Variants in RBFOX1 observed in about 807,000 individuals in gnomAD.
RBFOX1 encodes RNA binding protein fox-1 homolog 1.
A neutral mutation model predicts 57.7 loss-of-function variants in RBFOX1; 8 were observed. The ratio of observed to expected loss-of-function variants is 0.14; its 90% CI spans 0.08 to 0.25. The LOEUF is 0.25. Ranked by LOEUF, RBFOX1 falls within the 10% of genes least tolerant of loss-of-function variation. The pLI, the probability that RBFOX1 is intolerant of heterozygous loss-of-function variation, is 1.00. For missense variants in RBFOX1, 611 were observed against 548.5 expected (o/e 1.11, Z -1.14); for synonymous variants, 326 against 222.4 (o/e 1.47, Z -4.15).
chr16:6,966,074 G>A (rs1050096514), intron 3 of RBFOX1, among the ~76,000 whole-genome samples: 5 of 152,146 alleles, frequency 3.3e-5, no homozygotes, highest in Non-Finnish European at 1.5e-5. Flanking sequence ...TGAAGGTAGT[G>A]ATTTTTACTC....
intron 4 of RBFOX1, among the ~76,000 whole-genome samples, chr16:7,135,056 AAAG>A (rs1292954469): frequency 6.6e-6 from 1 of 152,228 alleles, no homozygotes; most frequent in African/African-American, 2.4e-5. Context: ...AAAACAAAAT[AAAG>A]AAGGTTTTAA....
At chr16:5,363,258 C>T (rs187217399) in intron 1 of RBFOX1, among the ~76,000 whole-genome samples, 36 of 150,932 alleles carry the variant, frequency 2.4e-4, no homozygotes, top group South Asian at 2.3e-3. Flanking sequence ...TTGGCAAGGC[C>T]GGTCTTGAAC....
intron 3 of RBFOX1, among the ~76,000 whole-genome samples, chr16:6,747,867 G>A (rs2074092600): frequency 6.6e-6 from 1 of 152,054 alleles, no homozygotes; most frequent in South Asian, 2.1e-4. Flanking sequence ...ACTTTCATAG[G>A]CAATCCATAC....
intron 3 of RBFOX1, among the ~76,000 whole-genome samples, chr16:5,712,705 C>G (rs1038442010): frequency 6.6e-6 from 1 of 152,214 alleles, no homozygotes; most frequent in African/African-American, 2.4e-5. Context: ...CAGATTTTAA[C>G]AGAGTCCAGA....
chr16:6,099,509 G>A (rs1380813342), intron 1 of RBFOX1, among the ~76,000 whole-genome samples: 1 of 152,190 alleles, frequency 6.6e-6, no homozygotes, highest in African/African-American at 2.4e-5. Flanking sequence ...GCTGATTGCT[G>A]ATTGCCAGGG....
chr16:7,135,821 T>A (rs2071774744), intron 4 of RBFOX1, among the ~76,000 whole-genome samples: 1 of 152,276 alleles, frequency 6.6e-6, no homozygotes, highest in Admixed American at 6.5e-5. Context: ...TCTAGTCTTT[T>A]TGACTGCAGA....
At chr16:5,267,665 G>A (rs1184591936) in intron 1 of RBFOX1, among the ~76,000 whole-genome samples, 1 of 152,186 alleles carries the variant, frequency 6.6e-6, no homozygotes, top group East Asian at 1.9e-4. Flanking sequence ...CACAGTCTCT[G>A]GGAAATATGC....
intron 1 of RBFOX1, among the ~76,000 whole-genome samples, chr16:5,459,452 C>T (rs1366968017): frequency 1.3e-5 from 2 of 152,106 alleles, no homozygotes; most frequent in African/African-American, 2.4e-5. Flanking sequence ...GTCCCCAGAT[C>T]CATGCTTCCG....
intron 3 of RBFOX1, among the ~76,000 whole-genome samples, chr16:6,987,418 A>G (rs1005848739): frequency 1.3e-5 from 2 of 150,260 alleles, no homozygotes; most frequent in Non-Finnish European, 2.9e-5. Flanking sequence ...CTCCCGAGCC[A>G]CTAGGCTTAT....
chr16:7,063,390 G>A (rs891326872), intron 4 of RBFOX1, among the ~76,000 whole-genome samples: 7 of 151,968 alleles, frequency 4.6e-5, no homozygotes, highest in African/African-American at 1.2e-4. Flanking sequence ...GTGATGTTAC[G>A]GGATCATCAC....
At chr16:7,497,269 C>T (rs897520981) in intron 4 of RBFOX1, among the ~76,000 whole-genome samples, 1 of 152,140 alleles carries the variant, frequency 6.6e-6, no homozygotes, top group African/African-American at 2.4e-5. Context: ...TATACTCCAG[C>T]CATATTATCC....
intron 3 of RBFOX1, among the ~76,000 whole-genome samples, chr16:6,655,411 C>T (rs1017788999): frequency 2.4e-5 from 2 of 83,706 alleles, no homozygotes; most frequent in South Asian, 4.3e-4. Flanking sequence ...AAAGAGCTCG[C>T]GCTCAATTTC....
intron 3 of RBFOX1, among the ~76,000 whole-genome samples, chr16:5,732,527 A>G (rs1443878491): frequency 3.9e-5 from 6 of 152,172 alleles, no homozygotes; most frequent in Admixed American, 2.0e-4. Flanking sequence ...GACATAGGGG[A>G]GAGGCAGGGA....
At chr16:7,122,318 C>T (rs2067369313) in intron 4 of RBFOX1, among the ~76,000 whole-genome samples, 1 of 151,914 alleles carries the variant, frequency 6.6e-6, no homozygotes, top group Admixed American at 6.6e-5. Context: ...AGCAAACAAA[C>T]TATCTTAATA....
At position 6,827,849 on chromosome 16, in the gene RBFOX1, G is replaced by C. The variant is rs1168957897; in HGVS notation, c.-16+173199G>C. ...CTGCCTTGAAACCTCAGGTCCTTCT[G>C]TTCCCCCTCTTAGAGCACTGGGCTA... On this transcript the variant is annotated intron_variant, in intron 3 of 15. Transcript: ENST00000550418. Among the ~76,000 whole-genome samples, 4 of 152,200 alleles carry C rather than the reference G, an allele frequency of 2.6e-5. No individual in the cohort carries two copies. The East Asian group carries it at 5.8e-4, about 22-fold the overall frequency.
intron 2 of RBFOX1, among the ~76,000 whole-genome samples, chr16:6,614,297 C>A (rs1002456392): frequency 1.3e-5 from 2 of 152,082 alleles, no homozygotes; most frequent in Non-Finnish European, 2.9e-5. Context: ...CTGAGTCTTA[C>A]ACTGGATGGA....
chr16:6,027,365 C>A (rs1221726768), intron 1 of RBFOX1, among the ~76,000 whole-genome samples: 2 of 152,012 alleles, frequency 1.3e-5, no homozygotes, highest in African/African-American at 4.8e-5. Flanking sequence ...AGAGGGCATG[C>A]TTGGGATGCA....
intron 1 of RBFOX1, among the ~76,000 whole-genome samples, chr16:6,184,129 T>C (rs939911132): frequency 1.3e-5 from 2 of 152,164 alleles, no homozygotes; most frequent in Non-Finnish European, 2.9e-5. Flanking sequence ...ATGAGAGTTA[T>C]TCACTACCAT....
intron 4 of RBFOX1, chr16:7,126,553 G>T (rs115075790): frequency 3.7e-5 from 8 of 214,378 alleles, no homozygotes; most frequent in Non-Finnish European, 5.9e-5. Flanking sequence ...CTTTGGGCAC[G>T]CGCTGGGCAC....
Sources: gnomAD v4.1 joint callset for allele counts (sites outside exome capture counted in the v4.1 genomes callset) on GRCh38, gnomAD v4.1.1 for gene constraint, MANE v1.5 for transcripts, NCBI Gene and HGNC (gene_info 2026-07-23, HGNC 2026-07-21) for gene names.